The following ENAH variants were observed in gnomAD, a reference collection of about 807,000 sequenced individuals.
ENAH encodes the protein protein enabled homolog.
A neutral mutation model predicts 78.7 loss-of-function variants in ENAH; 23 were observed. The observed-to-expected ratio is 0.29, with a 90% CI of 0.21 to 0.41. ENAH has a LOEUF of 0.41. Ranked by LOEUF, ENAH falls within the 10% of genes least tolerant of loss-of-function variation. ENAH has a pLI of 1.00. For synonymous variants in ENAH, 226 were observed against 241.0 expected, an observed-to-expected ratio of 0.94 and a Z score of 0.58; for missense variants, 544 against 691.0, an observed-to-expected ratio of 0.79 and a Z score of 2.39.
intron 1 of ENAH, among the ~76,000 whole-genome samples, chr1:225,570,592 T>C (rs1321060563): frequency 6.6e-6 from 1 of 152,166 alleles, no homozygotes; most frequent in African/African-American, 2.4e-5. Flanking sequence ...GTCCATTTCA[T>C]GAATAGTAAA....
chr1:225,499,343 C>G (rs2096268977), intron 12 of ENAH, among the ~76,000 whole-genome samples: 1 of 151,974 alleles, frequency 6.6e-6, no homozygotes, highest in Non-Finnish European at 1.5e-5. Flanking sequence ...CATTATACTT[C>G]TATTTAACTG....
intron 3 of ENAH, among the ~76,000 whole-genome samples, chr1:225,547,701 T>A (rs758126647): frequency 2.0e-5 from 3 of 152,188 alleles, no homozygotes; most frequent in Non-Finnish European, 2.9e-5. Context: ...CTGAATTTAT[T>A]CCCACCAGGC....
chr1:225,487,803 A>G lies in ENAH; in HGVS notation c.*9972T>C, dbSNP rs1050182235. On this transcript the variant is annotated 3_prime_UTR_variant, in exon 14 of 14. Transcript: ENST00000366843. Reference sequence around the variant, plus strand: ...ATTCAGAGCAAAGCAAGATGACAAGAGATTCCAATTCCAGCATATATTATG... The same window carrying G: ...ATTCAGAGCAAAGCAAGATGACAAGGGATTCCAATTCCAGCATATATTATG... 1.3e-5 allele frequency: 2 copies of G among 152,256 alleles called. No homozygotes were observed. 9.4% of individuals were successfully genotyped at this position (152,256 alleles called of 1,614,324 possible).
At chr1:225,570,248 G>C (rs1021040155) in intron 1 of ENAH, among the ~76,000 whole-genome samples, 1 of 151,794 alleles carries the variant, frequency 6.6e-6, no homozygotes, top group African/African-American at 2.4e-5. Context: ...GGCACTGCCT[G>C]CTAGGGTTTA....
In ENAH at chr1:225,497,083, T is replaced by C. The variant is rs2096252979; in HGVS notation, c.*692A>G. 6.6e-6 allele frequency: 1 copy of C among 152,634 alleles called. No individual in the cohort carries two copies. Among genetic ancestry groups the C allele is most frequent in the Non-Finnish European group, 1.5e-5 (1 of 68,026 alleles). 9.5% of individuals were successfully genotyped at this position (152,634 alleles called of 1,614,324 possible). The stretch of plus-strand genomic sequence containing the variant: ...GTAACAATTTAGGAAGGCATCTAAA[T>C]CTTTAAGTTCTGGACAAATTTTATG... On this transcript the variant is annotated 3_prime_UTR_variant, in exon 14 of 14. Coordinates refer to ENST00000366843, the MANE Select transcript of ENAH (RefSeq NM_018212.6).
intron 3 of ENAH, among the ~76,000 whole-genome samples, chr1:225,542,805 C>T (rs1274855977): frequency 2.0e-5 from 3 of 152,016 alleles, no homozygotes; most frequent in Non-Finnish European, 4.4e-5. Flanking sequence ...ACATTGAGGC[C>T]AGGAGTTCAA....
chr1:225,508,099 T>C, intron 10 of ENAH, 82 bp from the exon 11 acceptor site: 1 of 820,670 alleles, frequency 1.2e-6, no homozygotes, highest in Non-Finnish European at 1.8e-6. Flanking sequence ...ATACTAAATC[T>C]CATTATACCT....
intron 11 of ENAH, among the ~76,000 whole-genome samples, chr1:225,502,264 T>G (rs966892494): frequency 6.6e-6 from 1 of 152,170 alleles, no homozygotes; most frequent in African/African-American, 2.4e-5. Flanking sequence ...CAGGCTGGAG[T>G]GCAGTGGTGC....
At chr1:225,548,750 A>G (rs1453488069) in intron 3 of ENAH, among the ~76,000 whole-genome samples, 1 of 152,226 alleles carries the variant, frequency 6.6e-6, no homozygotes, top group African/African-American at 2.4e-5. Flanking sequence ...TGTGAGAGGT[A>G]AGTATGAGAA....
chr1:225,650,865 A>AAC (rs937031909), intron 1 of ENAH, among the ~76,000 whole-genome samples: 7 of 150,072 alleles, frequency 4.7e-5, no homozygotes, highest in African/African-American at 1.7e-4. Context: ...AAAAAAAAAA[A>AAC]AAAAAAAAAA....
chr1:225,533,299 C>G (rs2096546898), intron 3 of ENAH, among the ~76,000 whole-genome samples: 1 of 152,114 alleles, frequency 6.6e-6, no homozygotes, highest in Admixed American at 6.6e-5. Flanking sequence ...TAGGATCAGG[C>G]AAAGTCTGTC....
At chr1:225,606,019 C>T (rs1227898527) in intron 1 of ENAH, among the ~76,000 whole-genome samples, 1 of 152,182 alleles carries the variant, frequency 6.6e-6, no homozygotes, top group Admixed American at 6.5e-5. Context: ...TCTTAAAAAC[C>T]TAAACCTCAC....
chr1:225,526,742 T>C (rs1399076953), intron 4 of ENAH, among the ~76,000 whole-genome samples: 1 of 152,192 alleles, frequency 6.6e-6, no homozygotes, highest in African/African-American at 2.4e-5. Context: ...CCATTTTTAT[T>C]TCATCAATGA....
chr1:225,644,460 G>T (rs1055546412), intron 1 of ENAH, among the ~76,000 whole-genome samples: 2 of 152,118 alleles, frequency 1.3e-5, no homozygotes, highest in Non-Finnish European at 2.9e-5. Flanking sequence ...ATGAGAATTT[G>T]GGGGAGGAGG....
At chr1:225,558,463 A>T (rs1041826712) in intron 2 of ENAH, among the ~76,000 whole-genome samples, 10 of 152,166 alleles carry the variant, frequency 6.6e-5, no homozygotes, top group Non-Finnish European at 1.3e-4. Flanking sequence ...AGTAGCTCAA[A>T]ATATCTCCTT....
In ENAH at chr1:225,494,072, A is replaced by AAAAAG. The variant is rs1416783619; in HGVS notation, c.*3702_*3703insCTTTT. The AAAAAG allele has an allele frequency of 8.0e-4, 121 of 150,730 alleles. 1 individual carries two copies. Among genetic ancestry groups the AAAAAG allele is most frequent in the African/African-American group, 2.9e-3 (119 of 41,250 alleles). 9.3% of individuals were successfully genotyped at this position (150,730 alleles called of 1,614,324 possible). The stretch of plus-strand genomic sequence containing the variant: ...CATGAGACAGGCTAGAGCAAAAAAA[A>AAAAAG]AAAAAAAAAAACAGCTGAAAATTTT... On this transcript the variant is annotated 3_prime_UTR_variant, in exon 14 of 14. Coordinates refer to ENST00000366843, the MANE Select transcript of ENAH (RefSeq NM_018212.6).
chr1:225,582,035 T>C (rs917024545), intron 1 of ENAH, among the ~76,000 whole-genome samples: 1 of 152,036 alleles, frequency 6.6e-6, no homozygotes, highest in Admixed American at 6.6e-5. Context: ...TAATCCCCAA[T>C]GTTGGGGGTG....
At chr1:225,555,343 G>A (rs1365180035) in intron 2 of ENAH, among the ~76,000 whole-genome samples, 1 of 152,184 alleles carries the variant, frequency 6.6e-6, no homozygotes, top group Non-Finnish European at 1.5e-5. Context: ...CACTTTGGGA[G>A]GGCTCGAGGC....
chr1:225,630,532 A>G (rs555908044), intron 1 of ENAH, among the ~76,000 whole-genome samples: 1 of 152,320 alleles, frequency 6.6e-6, no homozygotes, highest in South Asian at 2.1e-4. Flanking sequence ...CCAGGAGATG[A>G]ACAGTTGATA....
Sources: gnomAD v4.1 joint callset for allele counts (sites outside exome capture counted in the v4.1 genomes callset) on GRCh38, gnomAD v4.1.1 for gene constraint, MANE v1.5 for transcripts, NCBI Gene and HGNC (gene_info 2026-07-23, HGNC 2026-07-21) for gene names.